TSPAN11: variants seen among roughly 807,000 people sequenced by gnomAD.
The protein encoded by TSPAN11 is tetraspanin-11.
A neutral mutation model predicts 32.9 loss-of-function variants in TSPAN11; 29 were observed. That is an observed-to-expected ratio of 0.88 (90% CI 0.66 to 1.20). The LOEUF is 1.20. TSPAN11 is among the 50% of genes most tolerant of loss of function. TSPAN11 has a pLI of 0.00. For missense variants in TSPAN11, 283 were observed against 329.1 expected, an observed-to-expected ratio of 0.86 and a Z score of 1.08; for synonymous variants, 140 against 141.3, an observed-to-expected ratio of 0.99 and a Z score of 0.07.
intron 3 of TSPAN11, among the ~76,000 whole-genome samples, chr12:30,970,179 C>T (rs183778299): frequency 3.3e-5 from 5 of 152,292 alleles, no homozygotes; most frequent in Admixed American, 6.5e-5. Flanking sequence ...TGCCAGAATC[C>T]GCTGAACACC....
At position 30,975,917 on chromosome 12, in the gene TSPAN11, C is replaced by T. The variant is rs1938960979; in HGVS notation, c.277-2644C>T. 6.6e-6 allele frequency among the ~76,000 whole-genome samples: 1 copy of T among 152,200 alleles called. No homozygotes were observed. The highest frequency in any genetic ancestry group is 2.4e-5 in the African/African-American group (1 of 41,454). On this transcript the variant is annotated intron_variant, in intron 3 of 7. Transcript: ENST00000546076. The surrounding 1 kb of genome is among the most constrained non-coding windows in gnomAD (Gnocchi z 4.5). ...GGCATCAATGCCTTCAGGTCCTGTGCAGCAGGAGGGATCCGGCCTCAGCAC... is the reference window on the plus strand; with the variant it reads ...GGCATCAATGCCTTCAGGTCCTGTGTAGCAGGAGGGATCCGGCCTCAGCAC...
At position 30,992,255 on chromosome 12, in the gene TSPAN11, G is replaced by C. The variant is rs1939330764; in HGVS notation, c.*340G>C. On this transcript the variant is annotated 3_prime_UTR_variant, in exon 8 of 8. Coordinates refer to ENST00000546076, the MANE Select transcript of TSPAN11 (RefSeq NM_001370302.1). Reference sequence around the variant, plus strand: ...GGTTCTCTGCTCCCTCCCAGCTCCTGAACCTGGAACAATCGGCAGAAAACC... The same window carrying C: ...GGTTCTCTGCTCCCTCCCAGCTCCTCAACCTGGAACAATCGGCAGAAAACC... 1 of 366,816 alleles carries C rather than the reference G, an allele frequency of 2.7e-6. No individual in the cohort carries two copies. Among genetic ancestry groups the C allele is most frequent in the African/African-American group, 2.0e-5 (1 of 49,562 alleles). The allele number at this position is 366,816 out of a possible 1,614,324, so 22.7% of individuals were successfully genotyped here. A position where few individuals can be genotyped will look rare whatever the true frequency, so the allele number is the denominator to read the frequency against.
intron 3 of TSPAN11, among the ~76,000 whole-genome samples, chr12:30,968,250 G>C (rs1295480589): frequency 6.6e-6 from 1 of 152,226 alleles, no homozygotes; most frequent in East Asian, 1.9e-4. Flanking sequence ...TGAATGATGT[G>C]CAACTACCTT....
Position 30,970,778 on chromosome 12 carries a change from C to T in TSPAN11, c.276+6761C>T, listed in dbSNP as rs1175572839. On this transcript the variant is annotated intron_variant, in intron 3 of 7. Coordinates refer to ENST00000546076, the MANE Select transcript of TSPAN11 (RefSeq NM_001370302.1). ...GGCCAGGAGGGGTAGAGGTTACCTC[C>T]ATCCTTCTAACAGTGACACTTGGTT... 2.8e-4 allele frequency among the ~76,000 whole-genome samples: 42 copies of T among 152,226 alleles called. 2 individuals are homozygous for T. Among genetic ancestry groups the T allele is most frequent in the Admixed American group, 2.7e-3 (41 of 15,286 alleles).
At chr12:30,997,984 C>T (rs1046360362), downstream of TSPAN11, among the ~76,000 whole-genome samples, 1 of 152,214 alleles carries the variant, frequency 6.6e-6, no homozygotes, top group Non-Finnish European at 1.5e-5. Context: ...ATAGCAGCGG[C>T]CTTCTGACTG....
intron 7 of TSPAN11, among the ~76,000 whole-genome samples, chr12:30,984,365 C>G (rs1376277780): frequency 3.9e-5 from 6 of 152,126 alleles, no homozygotes; most frequent in African/African-American, 1.4e-4. Context: ...CTCTTAAGGT[C>G]TAAGAATGAG....
chr12:31,003,254 TGTG>T, the TSPAN11 span, among the ~76,000 whole-genome samples: 3 of 152,212 alleles, frequency 2.0e-5, no homozygotes, highest in Non-Finnish European at 4.4e-5. Context: ...CATCACAGGA[TGTG>T]GCCCTCTGGG....
chr12:30,938,353 CA>C (rs1565788184), intron 1 of TSPAN11, among the ~76,000 whole-genome samples: 1 of 152,182 alleles, frequency 6.6e-6, no homozygotes, highest in East Asian at 1.9e-4. Context: ...ACTGCTCACC[CA>C]CTATATACTG....
intron 1 of TSPAN11, among the ~76,000 whole-genome samples, chr12:30,939,831 C>T (rs533637377): frequency 2.6e-5 from 4 of 152,172 alleles, no homozygotes; most frequent in Non-Finnish European, 5.9e-5. Flanking sequence ...AGGAAGGGCC[C>T]GATTACAACC....
chr12:30,940,713 C>T (rs557220700), intron 1 of TSPAN11, among the ~76,000 whole-genome samples: 4 of 152,282 alleles, frequency 2.6e-5, no homozygotes, highest in African/African-American at 9.6e-5. Context: ...GCATGCCTAC[C>T]TCATGGGGTT....
chr12:30,981,040 G>A (rs529983478), intron 5 of TSPAN11, among the ~76,000 whole-genome samples: 1 of 152,322 alleles, frequency 6.6e-6, no homozygotes, highest in East Asian at 1.9e-4. Flanking sequence ...GGGCAGAGGC[G>A]GGGTTTGCTT....
At chr12:30,931,879 C>CAAAAA (rs58500177) in intron 1 of TSPAN11, among the ~76,000 whole-genome samples, 2,786 of 60,746 alleles carry the variant, frequency 0.046, 480 homozygotes, top group African/African-American at 0.16. Flanking sequence ...GACGCTGTAT[C>CAAAAA]AAAAAAAAAA....
the TSPAN11 span, among the ~76,000 whole-genome samples, chr12:31,013,147 A>T: frequency 6.6e-6 from 1 of 152,236 alleles, no homozygotes; most frequent in African/African-American, 2.4e-5. Flanking sequence ...ACTACACTAC[A>T]GCCAGGGAAA....
chr12:30,929,449 T>G (rs1160806037), intron 1 of TSPAN11, among the ~76,000 whole-genome samples: 2 of 152,192 alleles, frequency 1.3e-5, no homozygotes, highest in African/African-American at 4.8e-5. Context: ...CAACAAGGGC[T>G]ATGTGAGAAC....
At chr12:30,980,865 A>G (rs1939076753) in intron 5 of TSPAN11, among the ~76,000 whole-genome samples, 1 of 152,118 alleles carries the variant, frequency 6.6e-6, no homozygotes, top group South Asian at 2.1e-4. Flanking sequence ...CTAAGTGTGC[A>G]CTCCACTCAC....
chr12:30,983,032 C>T, intron 6 of TSPAN11, 32 bp from the exon 7 acceptor site: 2 of 1,601,970 alleles, frequency 1.2e-6, no homozygotes, highest in South Asian at 2.2e-5. Flanking sequence ...TGCTCCTGGG[C>T]CATGGCCGCA....
chr12:30,946,617 G>A (rs1938272163), intron 1 of TSPAN11, among the ~76,000 whole-genome samples: 1 of 152,218 alleles, frequency 6.6e-6, no homozygotes, highest in Non-Finnish European at 1.5e-5. Context: ...GTGCTGCTCT[G>A]GGGATCTGGG....
chr12:30,963,640 G>A (rs1448715913), intron 2 of TSPAN11, among the ~76,000 whole-genome samples, 186 bp from the exon 3 acceptor site: 2 of 152,236 alleles, frequency 1.3e-5, no homozygotes, highest in African/African-American at 4.8e-5. Context: ...CCTTGGACAA[G>A]TCTCCTAACC....
intron 1 of TSPAN11, among the ~76,000 whole-genome samples, chr12:30,943,953 T>C (rs1405659405): frequency 6.6e-6 from 1 of 152,236 alleles, no homozygotes; most frequent in Non-Finnish European, 1.5e-5. Flanking sequence ...AGACTGTTTT[T>C]TCCTTTCCAG....
Sources: allele counts gnomAD v4.1 joint callset (sites outside exome capture counted in the v4.1 genomes callset), GRCh38; gene constraint gnomAD v4.1.1; non-coding constraint Gnocchi (gnomAD v3.1); transcripts MANE v1.5; gene names NCBI Gene and HGNC (gene_info 2026-07-23, HGNC 2026-07-21).